FOXP2: variants seen among roughly 807,000 people sequenced by gnomAD.
FOXP2 encodes forkhead box protein P2.
Under a neutral mutation model 115.8 loss-of-function variants are expected in FOXP2, and 12 were observed. The ratio of observed to expected loss-of-function variants is 0.10; its 90% CI spans 0.07 to 0.17. FOXP2 has a LOEUF of 0.17. FOXP2 is among the 10% of genes least tolerant of loss of function. The pLI, the probability that FOXP2 is intolerant of heterozygous loss-of-function variation, is 1.00. For synonymous variants in FOXP2, 328 were observed against 297.7 expected, an observed-to-expected ratio of 1.10 and a Z score of -1.05; for missense variants, 629 against 843.5, an observed-to-expected ratio of 0.75 and a Z score of 3.15.
chr7:114,093,153 A>T (rs1799576742), intron 1 of FOXP2, among the ~76,000 whole-genome samples: 1 of 152,168 alleles, frequency 6.6e-6, no homozygotes, highest in Non-Finnish European at 1.5e-5. Flanking sequence ...TTTTTCTCTC[A>T]TTTGGCCTAC....
At chr7:114,196,613 G>T (rs996630626) in intron 1 of FOXP2, among the ~76,000 whole-genome samples, 10 of 152,136 alleles carry the variant, frequency 6.6e-5, no homozygotes, top group Admixed American at 6.5e-4. Context: ...ATCAAGTTGT[G>T]TCAGTCATTT....
Position 114,312,136 on chromosome 7 carries a change from A to T in FOXP2, c.-11+24027A>T, listed in dbSNP as rs78888086. Among the ~76,000 whole-genome samples the T allele has an allele frequency of 1.8e-3, 269 of 152,246 alleles. 2 individuals are homozygous for T. Among genetic ancestry groups the T allele is most frequent in the African/African-American group, 5.8e-3 (243 of 41,554 alleles). ...GAACTTTTATGTATTCAGTTCACCC[A>T]AATCTCCATATTGAATAGGGAGGTC... is the stretch of plus-strand genomic sequence containing the variant. On this transcript the variant is annotated intron_variant, in intron 2 of 17. Coordinates refer to the FOXP2 transcript ENST00000634411.
chr7:114,167,249 T>G (rs186399797), intron 1 of FOXP2, among the ~76,000 whole-genome samples: 1 of 152,202 alleles, frequency 6.6e-6, no homozygotes, highest in African/African-American at 2.4e-5. Context: ...TATTATTCAA[T>G]AATAAAAAGA....
At chr7:114,488,605 A>G (rs1050204523) in intron 2 of FOXP2, among the ~76,000 whole-genome samples, 1 of 152,146 alleles carries the variant, frequency 6.6e-6, no homozygotes, top group Non-Finnish European at 1.5e-5. Context: ...TACAACATAT[A>G]TGTCAGTGAA....
intron 16 of FOXP2, among the ~76,000 whole-genome samples, chr7:114,680,608 C>T (rs975127642): frequency 6.6e-6 from 1 of 152,138 alleles, no homozygotes; most frequent in Middle Eastern, 3.4e-3. Context: ...CCCTTACACT[C>T]CTGCCTTAAG....
chr7:114,129,163 A>G (rs1008986328), intron 1 of FOXP2, among the ~76,000 whole-genome samples: 4 of 152,240 alleles, frequency 2.6e-5, no homozygotes, highest in African/African-American at 4.8e-5. Context: ...TACCTTAGGA[A>G]TAACACATCC....
chr7:114,480,464 A>G (rs1016639085), intron 2 of FOXP2, among the ~76,000 whole-genome samples: 7 of 151,448 alleles, frequency 4.6e-5, no homozygotes, highest in Admixed American at 4.0e-4. Context: ...AAGATGCCTT[A>G]TTACTTATGA....
At chr7:114,169,385 G>T (rs149305282) in intron 1 of FOXP2, among the ~76,000 whole-genome samples, 1 of 152,230 alleles carries the variant, frequency 6.6e-6, no homozygotes, top group Non-Finnish European at 1.5e-5. Flanking sequence ...AGTTAAAGGA[G>T]ATCATTTTGG....
At chr7:114,385,049 CCT>C (rs1198763427) in intron 2 of FOXP2, among the ~76,000 whole-genome samples, 3 of 151,580 alleles carry the variant, frequency 2.0e-5, no homozygotes, top group African/African-American at 7.3e-5. Flanking sequence ...TCTCTCCCCC[CCT>C]CTCTCTCTAA....
intron 1 of FOXP2, among the ~76,000 whole-genome samples, chr7:114,180,918 T>A (rs909826496): frequency 6.6e-6 from 1 of 151,218 alleles, no homozygotes; most frequent in African/African-American, 2.4e-5. Context: ...ATTACCTTTT[T>A]AAAAAAAAAT....
At chr7:114,282,540 A>C (rs866803372) in intron 1 of FOXP2, among the ~76,000 whole-genome samples, 16 of 152,322 alleles carry the variant, frequency 1.1e-4, no homozygotes, top group Admixed American at 5.2e-4. Flanking sequence ...CTAAAATTTC[A>C]TTTTTAAATT....
chr7:114,683,215 A>C (rs1443877896), intron 16 of FOXP2, among the ~76,000 whole-genome samples: 1 of 152,202 alleles, frequency 6.6e-6, no homozygotes, highest in Admixed American at 6.5e-5. Context: ...TAATGCTTTC[A>C]TGGCACGTAA....
chr7:114,402,063 A>G (rs539209982), intron 2 of FOXP2, among the ~76,000 whole-genome samples: 5 of 152,350 alleles, frequency 3.3e-5, no homozygotes, highest in African/African-American at 1.2e-4. Context: ...CAGAGGTTGC[A>G]GTGAGCTGAG....
chr7:114,439,089 T>A (rs964759192), intron 2 of FOXP2, among the ~76,000 whole-genome samples: 14 of 152,190 alleles, frequency 9.2e-5, no homozygotes, highest in African/African-American at 3.4e-4. Flanking sequence ...TTATTACTTA[T>A]GTGTGAGGTC....
chr7:114,252,949 T>C (rs891156830), intron 1 of FOXP2, among the ~76,000 whole-genome samples: 3 of 152,232 alleles, frequency 2.0e-5, no homozygotes, highest in Non-Finnish European at 4.4e-5. Context: ...AATTTCCCTC[T>C]ACACACTGCT....
chr7:114,485,735 T>G lies in FOXP2; in HGVS notation c.169-48882T>G, dbSNP rs188620999. On this transcript the variant is annotated intron_variant, in intron 2 of 16. Coordinates refer to ENST00000350908, the MANE Select transcript of FOXP2 (RefSeq NM_014491.4). ...AGTACTTTACATGTACTCACTTATT[T>G]AATCATCTCATAACCCTTTGAGATG... is the stretch of plus-strand genomic sequence containing the variant. Among the ~76,000 whole-genome samples, 240 of 152,290 alleles carry G rather than the reference T, an allele frequency of 1.6e-3. 1 individual carries two copies. The highest frequency in any genetic ancestry group is 5.5e-3 in the African/African-American group (229 of 41,566).
chr7:114,310,941 A>G (rs1797134161), intron 2 of FOXP2, among the ~76,000 whole-genome samples: 1 of 152,126 alleles, frequency 6.6e-6, no homozygotes, highest in Non-Finnish European at 1.5e-5. Context: ...GAGCCTTTAT[A>G]TGTTGACATA....
intron 2 of FOXP2, among the ~76,000 whole-genome samples, chr7:114,399,849 CTT>C (rs1431053557): frequency 6.1e-5 from 8 of 131,438 alleles, no homozygotes; most frequent in Admixed American, 7.7e-5. Context: ...TCATCATTTT[CTT>C]TTTTTTTTTT....
At chr7:114,610,815 G>A (rs62467893) in intron 3 of FOXP2, among the ~76,000 whole-genome samples, 1 of 150,368 alleles carries the variant, frequency 6.7e-6, no homozygotes, top group African/African-American at 2.4e-5. Flanking sequence ...TTTTTTTTTG[G>A]TAGAGATGGG....
Sources: gnomAD v4.1 joint callset for allele counts (sites outside exome capture counted in the v4.1 genomes callset) on GRCh38, gnomAD v4.1.1 for gene constraint, MANE v1.5 for transcripts, NCBI Gene and HGNC (gene_info 2026-07-23, HGNC 2026-07-21) for gene names.